BPNT1: variants seen among roughly 807,000 people sequenced by gnomAD.
BPNT1 encodes 3'(2'), 5'-bisphosphate nucleotidase 1, also known as 3'(2'),5'-bisphosphate nucleotidase 1.
BPNT1 carries 28 observed loss-of-function variants against 36.9 expected under a neutral mutation model. The observed-to-expected ratio is 0.76, with a 90% CI of 0.56 to 1.04. BPNT1 has a LOEUF of 1.04. Among genes scored for constraint, BPNT1 ranks in the 50% least tolerant of loss-of-function variants. The pLI, the probability that BPNT1 is intolerant of heterozygous loss-of-function variation, is 0.00. For synonymous variants in BPNT1, 119 were observed against 130.9 expected, an observed-to-expected ratio of 0.91 and a Z score of 0.62; for missense variants, 313 against 372.9, an observed-to-expected ratio of 0.84 and a Z score of 1.32.
Position 220,069,387 on chromosome 1 carries a change from C to T in BPNT1, c.379G>A (p.Glu127Lys), listed in dbSNP as rs773997051. Reference sequence around the variant, plus strand: ...TGAATACAAAAGAGATATCAACCTTCGGTATATTCCTTGGTTCCATCCAGA... The same window carrying T: ...TGAATACAAAAGAGATATCAACCTTTGGTATATTCCTTGGTTCCATCCAGA... ...DPLDGTKEYT[E>K]GLLDNVTVLI... Residue 127 changes from glutamate to lysine, a missense_variant, in exon 5 of 9, where the codon GAA becomes AAA. Coordinates refer to ENST00000322067, the MANE Select transcript of BPNT1 (RefSeq NM_006085.6). 36 of 1,599,098 alleles carry T rather than the reference C, an allele frequency of 2.3e-5. No homozygotes were observed. The highest frequency in any genetic ancestry group is 1.3e-4 in the South Asian group (11 of 87,710).
intron 2 of BPNT1, among the ~76,000 whole-genome samples, chr1:220,076,833 T>A (rs564799722): frequency 6.6e-6 from 1 of 152,176 alleles, no homozygotes; most frequent in African/African-American, 2.4e-5. Flanking sequence ...TGAATCAGAT[T>A]TATCTTACAT....
rs555060479 is a variant in BPNT1 at position 220,070,415 on chromosome 1, G to A, written c.334-983C>T. Among the ~76,000 whole-genome samples, 19 of 151,944 alleles carry A rather than the reference G, an allele frequency of 1.3e-4. No individual in the cohort carries two copies. The East Asian group carries it at 3.3e-3, about 27-fold the overall frequency. On this transcript the variant is annotated intron_variant, in intron 4 of 8. Coordinates refer to ENST00000322067, the MANE Select transcript of BPNT1 (RefSeq NM_006085.6). ...GGCTGGAGTGCAGTGGCGCGATCTC[G>A]GCTCACTGCAACCTCTGCCTCCCGG... is the stretch of plus-strand genomic sequence containing the variant.
intron 2 of BPNT1, among the ~76,000 whole-genome samples, chr1:220,079,211 A>C (rs1664881690): frequency 1.3e-5 from 2 of 152,104 alleles, no homozygotes; most frequent in African/African-American, 4.8e-5. Flanking sequence ...GAAGACTCAG[A>C]CATATAAATA....
intron 4 of BPNT1, among the ~76,000 whole-genome samples, chr1:220,070,205 GATTTAAAAGGAAA>G (rs1172879215): frequency 6.6e-6 from 1 of 152,162 alleles, no homozygotes; most frequent in Non-Finnish European, 1.5e-5. Context: ...ACTGGCAGCA[GATTTAAAAGGAAA>G]ATTCCTTCTG....
intron 1 of BPNT1, among the ~76,000 whole-genome samples, chr1:220,088,789 TAAAAAAAA>T (rs1267059944): frequency 1.8e-5 from 2 of 114,144 alleles, no homozygotes; most frequent in African/African-American, 6.4e-5. Flanking sequence ...GAACCTGTCT[TAAAAAAAA>T]AAAAAAAAGA....
At chr1:220,076,070 T>TA (rs34257886) in intron 2 of BPNT1, among the ~76,000 whole-genome samples, 2 of 152,124 alleles carry the variant, frequency 1.3e-5, no homozygotes, top group Non-Finnish European at 2.9e-5. Flanking sequence ...AAAAACTTTA[T>TA]AAAAAATGAG....
At chr1:220,083,908 A>G (rs556201765) in intron 1 of BPNT1, among the ~76,000 whole-genome samples, 11 of 152,134 alleles carry the variant, frequency 7.2e-5, no homozygotes, top group Non-Finnish European at 1.6e-4. Flanking sequence ...ATACGGAGGG[A>G]TAACTATATA....
chr1:220,078,171 T>C (rs1447243078), intron 2 of BPNT1, among the ~76,000 whole-genome samples: 1 of 143,426 alleles, frequency 7.0e-6, no homozygotes, highest in Non-Finnish European at 1.5e-5. Flanking sequence ...ACAATGTGAG[T>C]GAGACCTTGT....
chr1:220,083,968 G>C (rs768686837), intron 1 of BPNT1, among the ~76,000 whole-genome samples: 2 of 151,988 alleles, frequency 1.3e-5, no homozygotes, highest in Non-Finnish European at 2.9e-5. Flanking sequence ...AATTTTCTTG[G>C]CATACTAGGA....
chr1:220,058,713 G>T lies in BPNT1; in HGVS notation c.*131C>A. ...TGCCCAGTTAATTTGTATTTTTGTA[G>T]AGATGGGGTCTCACGATATTGCCCA... On this transcript the variant is annotated 3_prime_UTR_variant, in exon 9 of 9. Coordinates refer to ENST00000322067, the MANE Select transcript of BPNT1 (RefSeq NM_006085.6). 1.1e-6 allele frequency: 1 copy of T among 919,292 alleles called. No homozygotes were observed. Among genetic ancestry groups the T allele is most frequent in the Non-Finnish European group, 1.6e-6 (1 of 620,244 alleles). The allele number at this position is 919,292 out of a possible 1,614,324, so 56.9% of individuals were successfully genotyped here.
At chr1:220,076,853 A>G (rs1664599078) in intron 2 of BPNT1, among the ~76,000 whole-genome samples, 1 of 152,114 alleles carries the variant, frequency 6.6e-6, no homozygotes, top group Non-Finnish European at 1.5e-5. Context: ...TAACTTGAAC[A>G]TGAATACAGC....
intron 8 of BPNT1, 98 bp from the exon 9 acceptor site, chr1:220,059,090 T>C: frequency 1.7e-6 from 2 of 1,203,764 alleles, no homozygotes; most frequent in Non-Finnish European, 2.4e-6. Context: ...TATCCAATAG[T>C]AGCCAATAAA....
intron 2 of BPNT1, among the ~76,000 whole-genome samples, chr1:220,075,792 T>C (rs1571777253): frequency 6.6e-6 from 1 of 152,188 alleles, no homozygotes; most frequent in African/African-American, 2.4e-5. Context: ...CGGAAGGATA[T>C]AAAGTACTAG....
intron 4 of BPNT1, among the ~76,000 whole-genome samples, chr1:220,071,040 G>A (rs982598875): frequency 6.6e-6 from 1 of 151,290 alleles, no homozygotes; most frequent in Non-Finnish European, 1.5e-5. Flanking sequence ...AGGAGGCTGA[G>A]GCAGGAGAAT....
Position 220,059,667 on chromosome 1 carries a change from TCAAATAAAACAGACTAACCTCCCACAG to T in BPNT1, c.770_778+18del. ...AATTGTAGAAAAACTATGAATTTCC[TCAAATAAAACAGACTAACCTCCCACAG>T]CATGTAAAATAACTTCTGGAGCACA... is the stretch of plus-strand genomic sequence containing the variant. On this transcript the variant is annotated splice_donor_variant and splice_donor_5th_base_variant and coding_sequence_variant and intron_variant, in exon 8 of 9. Coordinates refer to ENST00000322067, the MANE Select transcript of BPNT1 (RefSeq NM_006085.6). LOFTEE classifies it high-confidence loss of function. 1.9e-6 allele frequency: 3 copies of T among 1,540,576 alleles called. No homozygotes were observed. The highest frequency in any genetic ancestry group is 1.8e-6 in the Non-Finnish European group (2 of 1,129,608).
intron 1 of BPNT1, among the ~76,000 whole-genome samples, chr1:220,086,882 TAA>T (rs763947187): frequency 2.2e-4 from 30 of 138,696 alleles, no homozygotes; most frequent in South Asian, 2.3e-4. Context: ...TTGCTAAACT[TAA>T]AAAAAAAAAA....
chr1:220,080,298 A>G (rs746009817), intron 1 of BPNT1, among the ~76,000 whole-genome samples: 1 of 152,198 alleles, frequency 6.6e-6, no homozygotes, highest in African/African-American at 2.4e-5. Context: ...GCGCCAAAAG[A>G]GGTATGAATA....
intron 6 of BPNT1, among the ~76,000 whole-genome samples, chr1:220,063,683 T>C (rs1663268257): frequency 1.3e-5 from 2 of 152,160 alleles, no homozygotes; most frequent in African/African-American, 4.8e-5. Context: ...GCTACAGGAA[T>C]AGGTAATGAT....
chr1:220,059,940 C>G (rs984405599), intron 7 of BPNT1, 149 bp from the exon 8 acceptor site: 1 of 570,036 alleles, frequency 1.8e-6, no homozygotes. Context: ...AAGCTTTTAG[C>G]AGGTTTAAAT....
Sources: allele counts gnomAD v4.1 joint callset (sites outside exome capture counted in the v4.1 genomes callset), GRCh38; gene constraint gnomAD v4.1.1; transcripts MANE v1.5; gene names NCBI Gene and HGNC (gene_info 2026-07-23, HGNC 2026-07-21).